Variants in ZNF382 observed in about 807,000 individuals in gnomAD.
ZNF382 encodes KRAB/zinc finger suppressor protein 1.
Under a neutral mutation model 38.8 loss-of-function variants are expected in ZNF382, and 20 were observed. The ratio of observed to expected loss-of-function variants is 0.51; its 90% CI spans 0.36 to 0.75. The LOEUF is 0.75. ZNF382 is among the 30% of genes least tolerant of loss of function. The pLI, the probability that ZNF382 is intolerant of heterozygous loss-of-function variation, is 0.00. For synonymous variants in ZNF382, 202 were observed against 223.1 expected (o/e 0.91, Z 0.84); for missense variants, 546 against 654.1 (o/e 0.83, Z 1.80).
chr19:36,614,829 T>A (rs1568628531), intron 4 of ZNF382, among the ~76,000 whole-genome samples: 1 of 152,116 alleles, frequency 6.6e-6, no homozygotes, highest in African/African-American at 2.4e-5. Context: ...GAGAACTGCT[T>A]GAACCCGGGA....
intron 4 of ZNF382, among the ~76,000 whole-genome samples, chr19:36,614,960 T>TTTCCCTTTCCCTTTCCCTTTCCCTTTCCC (rs1568628735): frequency 9.9e-6 from 1 of 101,042 alleles, no homozygotes; most frequent in Admixed American, 1.1e-4. Context: ...TTTCCCTTCC[T>TTTCCCTTTCCCTTTCCCTTTCCCTTTCCC]TTCCTTTCCT....
chr19:36,621,324 G>GTT (rs10557413), intron 4 of ZNF382, among the ~76,000 whole-genome samples: 1,047 of 104,398 alleles, frequency 0.01, 9 homozygotes, highest in African/African-American at 0.025. Context: ...TTTTTCCCTA[G>GTT]TTTTTTTTTT....
At position 36,628,734 on chromosome 19, in the gene ZNF382, G is replaced by A. The variant is rs2037234649; in HGVS notation, c.*1184G>A. The A allele has an allele frequency of 6.6e-6, 1 of 152,532 alleles. No individual in the cohort carries two copies. The highest frequency in any genetic ancestry group is 2.4e-5 in the African/African-American group (1 of 41,394). 9.4% of individuals were successfully genotyped at this position (152,532 alleles called of 1,614,324 possible). On this transcript the variant is annotated 3_prime_UTR_variant, in exon 5 of 5. Transcript: ENST00000292928. ...AAGTTAGGGCGTGGGGAGGAATATA[G>A]TCTTTACCTATGGTCTGTATCTACT...
intron 1 of ZNF382, among the ~76,000 whole-genome samples, chr19:36,607,196 G>A (rs2037039886): frequency 6.6e-6 from 1 of 152,024 alleles, no homozygotes; most frequent in Non-Finnish European, 1.5e-5. Context: ...ACTACTATCA[G>A]TGTAAATTGG....
intron 1 of ZNF382, among the ~76,000 whole-genome samples, chr19:36,606,670 C>T (rs568678072): frequency 2.0e-4 from 30 of 151,748 alleles, no homozygotes; most frequent in African/African-American, 7.3e-4. Flanking sequence ...GGCATAACTA[C>T]CACTTTCAAC....
chr19:36,610,859 A>G (rs915668682), intron 4 of ZNF382, 117 bp downstream of exon 4: 4 of 707,344 alleles, frequency 5.7e-6, no homozygotes, highest in East Asian at 2.9e-5. Flanking sequence ...TAAATATGCT[A>G]TCTTAAACTT....
At chr19:36,620,151 C>T (rs148631195) in intron 4 of ZNF382, among the ~76,000 whole-genome samples, 8 of 152,134 alleles carry the variant, frequency 5.3e-5, no homozygotes, top group African/African-American at 1.9e-4. Context: ...TTGTTTCCTG[C>T]CTGAGTCTCA....
intron 4 of ZNF382, among the ~76,000 whole-genome samples, chr19:36,619,539 C>G (rs1223084473): frequency 6.6e-6 from 1 of 152,134 alleles, no homozygotes; most frequent in Non-Finnish European, 1.5e-5. Flanking sequence ...TGGTTTGTTT[C>G]AAAATTGGCC....
In ZNF382 at chr19:36,628,947, A is replaced by G. The variant is rs898141445; in HGVS notation, c.*1397A>G. The G allele has an allele frequency of 6.7e-6, 1 of 148,984 alleles. No homozygotes were observed. The highest frequency in any genetic ancestry group is 2.5e-5 in the African/African-American group (1 of 40,154). 9.2% of individuals were successfully genotyped at this position (148,984 alleles called of 1,614,324 possible). ...AAGAAAGGAAGATTACAAGGAAACA[A>G]ATGGGTCTTGGGACTTTTTTTTTTT... On this transcript the variant is annotated 3_prime_UTR_variant, in exon 5 of 5. Coordinates refer to ENST00000292928, the MANE Select transcript of ZNF382 (RefSeq NM_032825.5).
intron 4 of ZNF382, among the ~76,000 whole-genome samples, chr19:36,623,625 G>A (rs563066658): frequency 8.6e-5 from 13 of 151,848 alleles, no homozygotes; most frequent in Admixed American, 3.3e-4. Flanking sequence ...CCCCATCTCC[G>A]CTAAAAAATA....
At position 36,610,652 on chromosome 19, in the gene ZNF382, T is replaced by C; in HGVS notation, c.142T>C (p.Phe48Leu). ...AAAGTCTCATTTTCCATCATCAGGGTTTCACATGGCTAAGCCTGATATGAT... is the reference window on the plus strand; with the variant it reads ...AAAGTCTCATTTTCCATCATCAGGGCTTCACATGGCTAAGCCTGATATGAT... Reference protein sequence around the residue: ...ENYCHFVSVGFHMAKPDMIRK... With the variant: ...ENYCHFVSVGLHMAKPDMIRK... Residue 48 changes from phenylalanine to leucine, a missense_variant and splice_region_variant, in exon 4 of 5, where the codon TTT becomes CTT. Phe to Leu is a conservative substitution (Grantham distance 22, BLOSUM62 0). Transcript: ENST00000292928. 6.2e-7 allele frequency: 1 copy of C among 1,608,886 alleles called. No individual in the cohort carries two copies. The highest frequency in any genetic ancestry group is 8.5e-7 in the Non-Finnish European group (1 of 1,178,182).
chr19:36,613,665 C>A (rs948601646), intron 4 of ZNF382, among the ~76,000 whole-genome samples: 1 of 151,952 alleles, frequency 6.6e-6, no homozygotes, highest in Non-Finnish European at 1.5e-5. Flanking sequence ...GTCTTGAACT[C>A]CTGACCTCAG....
chr19:36,612,505 A>G (rs2037086065), intron 4 of ZNF382, among the ~76,000 whole-genome samples: 1 of 152,192 alleles, frequency 6.6e-6, no homozygotes, highest in Non-Finnish European at 1.5e-5. Context: ...GCAGATGCGT[A>G]TTTCATTTCT....
chr19:36,610,188 G>T (rs939845334), intron 3 of ZNF382, 135 bp downstream of exon 3: 1 of 1,110,742 alleles, frequency 9.0e-7, no homozygotes, highest in South Asian at 1.5e-5. Context: ...AGGCACAGTG[G>T]CTCACGCCTG....
Position 36,633,161 on chromosome 19 carries a change from C to T in ZNF382, c.*5611C>T, listed in dbSNP as rs758071755. 1.3e-5 allele frequency: 2 copies of T among 152,036 alleles called. No individual in the cohort carries two copies. The highest frequency in any genetic ancestry group is 2.9e-5 in the Non-Finnish European group (2 of 68,124). 9.4% of individuals were successfully genotyped at this position (152,036 alleles called of 1,614,324 possible). On this transcript the variant is annotated 3_prime_UTR_variant, in exon 5 of 5. Coordinates refer to ENST00000292928, the MANE Select transcript of ZNF382 (RefSeq NM_032825.5). ...TCACACCATTGTCCTGCCTCAGCCT[C>T]CTGAGTAGCTGGGACTACAGGCACC... is the stretch of plus-strand genomic sequence containing the variant.
At position 36,626,401 on chromosome 19, in the gene ZNF382, G is replaced by A. The variant is rs1213118527; in HGVS notation, c.504G>A (p.Glu168=). 3 of 1,598,148 alleles carry A rather than the reference G, an allele frequency of 1.9e-6. No homozygotes were observed. Among genetic ancestry groups the A allele is most frequent in the Non-Finnish European group, 2.6e-6 (3 of 1,175,128 alleles). ...KEKFGDSTGW[E]KSLLNTKHEK... is the part of the protein sequence containing the mutation. ...AGTTTGGTGACAGTACTGGATGGGAGAAATCACTCCTCAATACCAAGCATG... is the reference window on the plus strand; with the variant it reads ...AGTTTGGTGACAGTACTGGATGGGAAAAATCACTCCTCAATACCAAGCATG... Residue 168 remains glutamate (E), a synonymous_variant, in exon 5 of 5, where the codon GAG becomes GAA. Transcript: ENST00000292928.
intron 4 of ZNF382, among the ~76,000 whole-genome samples, chr19:36,622,642 C>G (rs890261172): frequency 6.6e-6 from 1 of 152,144 alleles, no homozygotes; most frequent in African/African-American, 2.4e-5. Context: ...CAGTTTCCAG[C>G]GCCTTAGGAA....
Position 36,627,273 on chromosome 19 carries a change from C to A in ZNF382, c.1376C>A (p.Thr459Lys). The change falls in exon 5 of 5, where the codon ACG (threonine) becomes AAG (lysine). Residue 459 changes from threonine (T) to lysine (K), a missense_variant. Coordinates refer to ENST00000292928, the MANE Select transcript of ZNF382 (RefSeq NM_032825.5). Reference sequence around the variant, plus strand: ...CTCACTCTCCACCAGAGAATTCACACGGGGGAAAAACCCTATATTTGTAAT... The same window carrying A: ...CTCACTCTCCACCAGAGAATTCACAAGGGGGAAAAACCCTATATTTGTAAT... ...TTLTLHQRIH[T>K]GEKPYICNEC... The A allele has an allele frequency of 6.2e-7, 1 of 1,611,156 alleles. No individual in the cohort carries two copies. The highest frequency in any genetic ancestry group is 1.1e-5 in the South Asian group (1 of 90,854).
chr19:36,618,855 T>C (rs1240862566), intron 4 of ZNF382, among the ~76,000 whole-genome samples: 5 of 152,054 alleles, frequency 3.3e-5, no homozygotes, highest in African/African-American at 4.8e-5. Context: ...CTGCCCAACA[T>C]GGCAAAACCC....
Sources: allele counts gnomAD v4.1 joint callset (sites outside exome capture counted in the v4.1 genomes callset), GRCh38; gene constraint gnomAD v4.1.1; transcripts MANE v1.5; gene names NCBI Gene and HGNC (gene_info 2026-07-23, HGNC 2026-07-21).